Variants in NOD2 observed in about 807,000 individuals in gnomAD.
NOD2 encodes nucleotide binding oligomerization domain containing 2.
Under a neutral mutation model 90.9 loss-of-function variants are expected in NOD2, and 86 were observed. The observed-to-expected ratio is 0.95, with a 90% confidence interval of 0.79 to 1.13. The LOEUF (loss-of-function observed/expected upper bound fraction) is 1.13, where lower values mean the gene tolerates loss of function less well. Among genes scored for constraint, NOD2 ranks in the 50% most tolerant of loss-of-function variants. NOD2 has a pLI of 0.00. For synonymous variants in NOD2, 581 were observed against 554.6 expected (o/e 1.05, Z -0.67); for missense variants, 1,238 against 1,283.8 (o/e 0.96, Z 0.55).
chr16:50,699,710 C>T lies in NOD2; in HGVS notation c.215C>T (p.Ala72Val). 1 of 1,614,144 alleles carries T rather than the reference C, an allele frequency of 6.2e-7. No individual in the cohort carries two copies. Among genetic ancestry groups the T allele is most frequent in the African/African-American group, 1.3e-5 (1 of 75,042 alleles). The part of the protein sequence containing the change: ...LDTVWNKGTW[A>V]CQKLIAAAQE... ...ACCGTCTGGAATAAGGGTACTTGGG[C>T]CTGTCAGAAGCTCATCGCGGCTGCC... Residue 72 changes from alanine (A) to valine (V), a missense_variant, in exon 2 of 12, where the codon GCC becomes GTC. Ala to Val is a moderately conservative substitution (Grantham distance 64, BLOSUM62 0). This residue lies in a region of NOD2 where 567 missense variants were observed against 577.3 expected (regional missense o/e 0.98). Transcript: ENST00000647318.
In NOD2 at chr16:50,719,907, C is replaced by G; in HGVS notation, c.2550-18C>G. ...CCTGCCGCTGTGTTCTCTCAGCCTC[C>G]TCTGTCTTCCCTTCCAGGCTGGGGA... On this transcript the variant is annotated intron_variant, in intron 6 of 11. Transcript: ENST00000647318. 1 of 1,611,192 alleles carries G rather than the reference C, an allele frequency of 6.2e-7. No homozygotes were observed. Among genetic ancestry groups the G allele is most frequent in the Non-Finnish European group, 8.5e-7 (1 of 1,178,238 alleles).
At position 50,731,614 on chromosome 16, in the gene NOD2, T is replaced by G. The variant is rs151031891; in HGVS notation, c.2970-133T>G. The G allele has an allele frequency of 1.5e-3, 1,051 of 718,176 alleles. 12 individuals are homozygous for G. In the East Asian group the frequency reaches 0.027, roughly 19 times the overall value. The allele number at this position is 718,176 out of a possible 1,614,324, so 44.5% of individuals were successfully genotyped here. A position where few individuals can be genotyped will look rare whatever the true frequency, so the allele number is the denominator to read the frequency against. On this transcript the variant is annotated intron_variant, in intron 11 of 11. Transcript: ENST00000647318. ...AGGGTAAAAACAGCCCTGACTTCCC[T>G]GCAAGAAACACTGCAGCTGGGCCAG...
intron 10 of NOD2, among the ~76,000 whole-genome samples, chr16:50,728,807 C>G (rs1217025565): frequency 6.6e-6 from 1 of 152,186 alleles, no homozygotes; most frequent in Non-Finnish European, 1.5e-5. Flanking sequence ...TGGCCCTATC[C>G]TGTCTCCCCT....
chr16:50,695,648 GCCCC>G (rs1456485474), intron 1 of NOD2, among the ~76,000 whole-genome samples: 1 of 152,068 alleles, frequency 6.6e-6, no homozygotes, highest in African/African-American at 2.4e-5. Context: ...GAGTGCTGGG[GCCCC>G]CAGTGTTAGG....
rs1965396412 is a variant in NOD2 at position 50,729,920 on chromosome 16, C to T, written c.2969+19C>T. The T allele has an allele frequency of 1.3e-6, 2 of 1,590,374 alleles. No individual in the cohort carries two copies. Among genetic ancestry groups the T allele is most frequent in the Non-Finnish European group, 1.7e-6 (2 of 1,158,934 alleles). On this transcript the variant is annotated intron_variant, in intron 11 of 11. Transcript: ENST00000647318. The stretch of plus-strand genomic sequence containing the variant: ...AAGTCTGGTAAGGCCCCTGGGCAGG[C>T]CTGTTTTAGCTCTCCGAACCTCAGT...
At chr16:50,725,660 G>A in intron 10 of NOD2, 88 bp downstream of exon 10, 2 of 1,019,642 alleles carry the variant, frequency 2.0e-6, no homozygotes, top group South Asian at 1.3e-5. Flanking sequence ...GCTCTCCGCT[G>A]GGCTAACTCA....
chr16:50,732,975 G>A lies in NOD2; in HGVS notation c.*1156G>A, dbSNP rs3135500. On this transcript the variant is annotated 3_prime_UTR_variant, in exon 12 of 12. Transcript: ENST00000647318. ...TGTGAAAACTGGTTAATATTTATAG[G>A]TCACTTTGTTTTACTGTCTTAAGTT... 66,219 of 152,212 alleles carry A rather than the reference G, an allele frequency of 0.44. 15,049 individuals carry two copies. The highest frequency in any genetic ancestry group is 0.56 in the African/African-American group (23,085 of 41,464). The allele number at this position is 152,212 out of a possible 1,614,324, so 9.4% of individuals were successfully genotyped here. A position where few individuals can be genotyped will look rare whatever the true frequency, so the allele number is the denominator to read the frequency against.
chr16:50,727,908 C>T (rs1006152734), intron 10 of NOD2: 8 of 279,826 alleles, frequency 2.9e-5, no homozygotes, highest in South Asian at 3.6e-5. Flanking sequence ...TTTTTTGGTG[C>T]GAATTTGCCT....
At chr16:50,718,703 C>G (rs1964910281) in intron 6 of NOD2, among the ~76,000 whole-genome samples, 1 of 152,144 alleles carries the variant, frequency 6.6e-6, no homozygotes. Flanking sequence ...AGGTAATAAC[C>G]CTGGCTACCT....
rs866173388 is a variant in NOD2, at chr16:50,712,253, C to T, written c.2261C>T (p.Ala754Val). ...FCSVGPTECA[A>V]LAFVLQHLRR... ...AGTGTGGGCCCCACTGAGTGTGCTG[C>T]CCTGGCCTTTGTGCTGCAGCACCTC... Residue 754 changes from alanine (A) to valine (V), a missense_variant, in exon 4 of 12, where the codon GCC becomes GTC. By Grantham distance (64) the Ala-to-Val change is moderately conservative. Transcript: ENST00000647318. 29 of 1,613,926 alleles carry T rather than the reference C, an allele frequency of 1.8e-5. No homozygotes were observed. Among genetic ancestry groups the T allele is most frequent in the Non-Finnish European group, 2.0e-5 (24 of 1,180,044 alleles).
intron 10 of NOD2, among the ~76,000 whole-genome samples, chr16:50,728,724 G>A (rs1025194564): frequency 3.9e-5 from 6 of 152,152 alleles, no homozygotes; most frequent in African/African-American, 1.4e-4. Flanking sequence ...GACCTGGAGT[G>A]GACATTATTG....
intron 3 of NOD2, chr16:50,710,140 C>A: frequency 2.4e-6 from 1 of 408,746 alleles, no homozygotes; most frequent in Non-Finnish European, 4.8e-6. Context: ...TATGGCAGGA[C>A]AGATATCAGA....
At chr16:50,719,077 G>A (rs1964926397) in intron 6 of NOD2, among the ~76,000 whole-genome samples, 1 of 152,116 alleles carries the variant, frequency 6.6e-6, no homozygotes, top group Non-Finnish European at 1.5e-5. Flanking sequence ...CCAGGCAGGG[G>A]AGCCTGATGT....
Position 50,710,390 on chromosome 16 carries a change from T to C in NOD2, c.566-168T>C, listed in dbSNP as rs149340820. Among the ~76,000 whole-genome samples the C allele has an allele frequency of 2.2e-3, 342 of 152,340 alleles. No individual in the cohort carries two copies. In the Middle Eastern group the frequency reaches 0.024, roughly 11 times the overall value. The stretch of plus-strand genomic sequence containing the variant: ...GAAACTGAGGGTTAGGAAGTTTCCT[T>C]GACTGTCCTCAAAGTGCACAGCTTG... On this transcript the variant is annotated intron_variant, in intron 3 of 11. Coordinates refer to ENST00000647318, the MANE Select transcript of NOD2 (RefSeq NM_001370466.1).
At position 50,729,888 on chromosome 16, in the gene NOD2, A is replaced by C; in HGVS notation, c.2956A>C (p.Ile986Leu). ...LLQALERNDTILEVWLRGNTF... is the reference protein window; with the variant it reads ...LLQALERNDTLLEVWLRGNTF... ...GCAGGCCCTTGAAAGGAATGACACC[A>C]TCCTGGAAGTCTGGTAAGGCCCCTG... Residue 986 changes from isoleucine to leucine, a missense_variant, in exon 11 of 12, where the codon ATC becomes CTC. Transcript: ENST00000647318. 1 of 1,612,828 alleles carries C rather than the reference A, an allele frequency of 6.2e-7. No individual in the cohort carries two copies.
chr16:50,702,111 A>AT (rs944917616), intron 2 of NOD2, among the ~76,000 whole-genome samples: 16 of 149,330 alleles, frequency 1.1e-4, no homozygotes, highest in Non-Finnish European at 1.6e-4. Flanking sequence ...TACCAGGCTA[A>AT]TTTTTTTTTT....
In NOD2 at chr16:50,711,572, C is replaced by T. The variant is rs1298492053; in HGVS notation, c.1580C>T (p.Ala527Val). ...LPTLLHLGRL[A>V]LWGLGMCCYV... Reference sequence around the variant, plus strand: ...ACCCTCCTGCACCTGGGCAGACTGGCTCTGTGGGGCCTGGGCATGTGCTGC... The same window carrying T: ...ACCCTCCTGCACCTGGGCAGACTGGTTCTGTGGGGCCTGGGCATGTGCTGC... Residue 527 changes from alanine (A) to valine (V), a missense_variant, in exon 4 of 12, where the codon GCT becomes GTT. Physicochemically the swap from Ala to Val is moderately conservative, Grantham distance 64. Around this residue, in one of 3 missense-constraint regions of NOD2, gnomAD observed 667 missense variants for 688.7 expected, o/e 0.97. Coordinates refer to ENST00000647318, the MANE Select transcript of NOD2 (RefSeq NM_001370466.1). 1.2e-6 allele frequency: 2 copies of T among 1,611,998 alleles called. No individual in the cohort carries two copies. Among genetic ancestry groups the T allele is most frequent in the African/African-American group, 2.7e-5 (2 of 74,952 alleles).
chr16:50,699,795 G>C lies in NOD2; in HGVS notation c.300G>C (p.Ser100=). The C allele has an allele frequency of 6.2e-7, 1 of 1,613,626 alleles. No individual in the cohort carries two copies. The highest frequency in any genetic ancestry group is 8.5e-7 in the Non-Finnish European group (1 of 1,180,010). The change falls in exon 2 of 12, where the codon TCG becomes TCC. Residue 100 remains serine (S), a synonymous_variant. Coordinates refer to ENST00000647318, the MANE Select transcript of NOD2 (RefSeq NM_001370466.1). ...PKLHGCWDPH[S]LHPARDLQSH... The stretch of plus-strand genomic sequence containing the variant: ...TGCATGGCTGCTGGGACCCCCACTC[G>C]CTCCACCCAGCCCGAGACCTGCAGA...
At chr16:50,728,538 A>G in intron 10 of NOD2, 1 of 161,460 alleles carries the variant, frequency 6.2e-6, no homozygotes, top group South Asian at 1.6e-4. Context: ...GATGTATAGC[A>G]TAACCACATT....
Sources: gnomAD v4.1 joint callset for allele counts (sites outside exome capture counted in the v4.1 genomes callset) on GRCh38, gnomAD v4.1.1 for gene constraint, gnomAD v4.1.1 regional missense constraint, MANE v1.5 for transcripts, NCBI Gene and HGNC (gene_info 2026-07-23, HGNC 2026-07-21) for gene names.